Variants in DPP10 observed in about 807,000 individuals in gnomAD.
The protein encoded by DPP10 is inactive dipeptidyl peptidase 10.
In DPP10, 33 loss-of-function variants were observed where a neutral mutation model predicts 120.9. That is an observed-to-expected ratio of 0.27 (90% CI 0.21 to 0.37). The LOEUF is 0.37. DPP10 is among the 10% of genes least tolerant of loss of function. DPP10 has a pLI of 1.00. For synonymous variants in DPP10, 337 were observed against 326.1 expected, an observed-to-expected ratio of 1.03 and a Z score of -0.36; for missense variants, 816 against 942.8, an observed-to-expected ratio of 0.87 and a Z score of 1.76.
chr2:115,022,844 C>T (rs1179295344), intron 1 of DPP10, among the ~76,000 whole-genome samples: 2 of 152,066 alleles, frequency 1.3e-5, no homozygotes, highest in Non-Finnish European at 2.9e-5. Flanking sequence ...GAAATAAAGC[C>T]AAATACTTAC....
intron 1 of DPP10, among the ~76,000 whole-genome samples, chr2:114,567,427 G>A (rs1209634480): frequency 6.6e-6 from 1 of 152,062 alleles, no homozygotes; most frequent in Non-Finnish European, 1.5e-5. Flanking sequence ...TAATCATAAG[G>A]GTTGTTTTAA....
chr2:114,880,402 A>G (rs1308374030), intron 1 of DPP10, among the ~76,000 whole-genome samples: 3 of 152,204 alleles, frequency 2.0e-5, no homozygotes, highest in South Asian at 2.1e-4. Flanking sequence ...AGGTTGCAGC[A>G]TGCCAACCAG....
chr2:115,635,792 A>G (rs2086273795), intron 5 of DPP10, among the ~76,000 whole-genome samples: 1 of 152,202 alleles, frequency 6.6e-6, no homozygotes, highest in South Asian at 2.1e-4. Flanking sequence ...GCTTTATATC[A>G]TATAATAAAT....
chr2:114,918,184 C>T (rs899837909), intron 1 of DPP10, among the ~76,000 whole-genome samples: 6 of 152,102 alleles, frequency 3.9e-5, no homozygotes, highest in Non-Finnish European at 7.4e-5. Flanking sequence ...ATGTGGCCAA[C>T]AAGCATAGGA....
At chr2:115,372,206 T>C (rs184957578) in intron 3 of DPP10, among the ~76,000 whole-genome samples, 202 of 152,284 alleles carry the variant, frequency 1.3e-3, no homozygotes, top group African/African-American at 4.6e-3. Flanking sequence ...ATATGAATTA[T>C]GAAAGGAGAA....
In DPP10 at chr2:114,521,809, T is replaced by TC. The variant is rs1366774511; in HGVS notation, c.60+78971_60+78972insC. Among the ~76,000 whole-genome samples, 334 of 143,980 alleles carry TC rather than the reference T, an allele frequency of 2.3e-3. 3 individuals are homozygous for TC. Among genetic ancestry groups the TC allele is most frequent in the Middle Eastern group, 3.5e-3 (1 of 288 alleles). The allele number at this position is 143,980 out of a possible 152,430, so 94.5% of individuals were successfully genotyped here. A position where few individuals can be genotyped will look rare whatever the true frequency, so the allele number is the denominator to read the frequency against. ...TATAGATACTATTATCCAAGGTTTT[T>TC]TTTTTTTTTTTTTTTTGAGATGGAG... On this transcript the variant is annotated intron_variant, in intron 1 of 25. Transcript: ENST00000410059.
chr2:115,533,255 G>T (rs541474136), intron 5 of DPP10, among the ~76,000 whole-genome samples: 104 of 152,084 alleles, frequency 6.8e-4, no homozygotes, highest in African/African-American at 2.4e-3. Flanking sequence ...AGCTTTTTCC[G>T]AATGCAAGAG....
chr2:114,800,997 C>G (rs1472064367), intron 1 of DPP10, among the ~76,000 whole-genome samples: 1 of 151,570 alleles, frequency 6.6e-6, no homozygotes, highest in Admixed American at 6.6e-5. Context: ...GGCACGGTGG[C>G]TCACGCCTGT....
intron 1 of DPP10, among the ~76,000 whole-genome samples, chr2:114,628,056 A>G (rs1694645302): frequency 6.6e-6 from 1 of 152,170 alleles, no homozygotes. Flanking sequence ...CTGAAGGCAT[A>G]ATATGAAATC....
At chr2:114,604,237 A>G (rs1692609585) in intron 1 of DPP10, among the ~76,000 whole-genome samples, 1 of 152,082 alleles carries the variant, frequency 6.6e-6, no homozygotes, top group South Asian at 2.1e-4. Context: ...ACGAGGAGCC[A>G]TTCTTATCAG....
intron 1 of DPP10, among the ~76,000 whole-genome samples, chr2:115,050,774 C>T (rs926850977): frequency 2.6e-5 from 4 of 152,156 alleles, no homozygotes; most frequent in Admixed American, 6.5e-5. Flanking sequence ...AATGCTAGGG[C>T]AGGGATGGTA....
intron 1 of DPP10, among the ~76,000 whole-genome samples, chr2:114,578,240 G>A (rs957641418): frequency 2.0e-5 from 3 of 152,086 alleles, no homozygotes; most frequent in Non-Finnish European, 4.4e-5. Flanking sequence ...TGTATGTAAT[G>A]CACAAGTATA....
chr2:115,505,316 A>AG (rs2076883779), intron 4 of DPP10, among the ~76,000 whole-genome samples: 1 of 152,102 alleles, frequency 6.6e-6, no homozygotes, highest in Non-Finnish European at 1.5e-5. Flanking sequence ...TATGACAAAA[A>AG]TTAATTAGAT....
At chr2:115,497,502 C>T (rs917070767) in intron 3 of DPP10, among the ~76,000 whole-genome samples, 2 of 152,010 alleles carry the variant, frequency 1.3e-5, no homozygotes, top group Admixed American at 6.6e-5. Flanking sequence ...TTGTTTTGCT[C>T]TATTTATCTC....
intron 1 of DPP10, among the ~76,000 whole-genome samples, chr2:115,256,981 A>G (rs1028007769): frequency 1.3e-5 from 2 of 152,200 alleles, no homozygotes; most frequent in Non-Finnish European, 2.9e-5. Flanking sequence ...CATAAACAGA[A>G]TGCAGCCAAG....
At chr2:115,241,076 C>A (rs1235304518) in intron 1 of DPP10, among the ~76,000 whole-genome samples, 1 of 152,120 alleles carries the variant, frequency 6.6e-6, no homozygotes, top group Non-Finnish European at 1.5e-5. Flanking sequence ...CGAGACCAGT[C>A]TGACCAACAT....
At chr2:115,376,438 T>C (rs575635861) in intron 3 of DPP10, among the ~76,000 whole-genome samples, 7 of 152,200 alleles carry the variant, frequency 4.6e-5, no homozygotes, top group African/African-American at 1.7e-4. Context: ...GGATAATCTT[T>C]TTTTTTCCCT....
chr2:114,901,715 A>G (rs1278537195), intron 1 of DPP10, among the ~76,000 whole-genome samples: 4 of 152,226 alleles, frequency 2.6e-5, no homozygotes, highest in Non-Finnish European at 1.5e-5. Context: ...TTGAATGTGC[A>G]AAACGTTTGT....
chr2:114,708,823 T>C (rs968519179), intron 1 of DPP10, among the ~76,000 whole-genome samples: 10 of 152,304 alleles, frequency 6.6e-5, no homozygotes, highest in African/African-American at 2.2e-4. Context: ...TGGCACAATC[T>C]TGGCTCATTG....
Sources: gnomAD v4.1 joint callset for allele counts (sites outside exome capture counted in the v4.1 genomes callset) on GRCh38, gnomAD v4.1.1 for gene constraint, MANE v1.5 for transcripts, NCBI Gene and HGNC (gene_info 2026-07-23, HGNC 2026-07-21) for gene names.